Variants in TRABD2B observed in about 807,000 individuals in gnomAD.
The protein encoded by TRABD2B is metalloprotease TIKI2.
TRABD2B carries 14 observed loss-of-function variants against 40.1 expected under a neutral mutation model. That is an observed-to-expected ratio of 0.35 (90% CI 0.23 to 0.55). The LOEUF is 0.55. Among genes scored for constraint, TRABD2B ranks in the 20% least tolerant of loss-of-function variants. TRABD2B has a pLI of 0.90. For missense variants in TRABD2B, 541 were observed against 648.6 expected (o/e 0.83, Z 1.80); for synonymous variants, 263 against 277.0 (o/e 0.95, Z 0.50).
At chr1:47,791,144 G>A (rs974280594) in intron 4 of TRABD2B, among the ~76,000 whole-genome samples, 1 of 152,230 alleles carries the variant, frequency 6.6e-6, no homozygotes, top group Admixed American at 6.5e-5. Flanking sequence ...TTCTGGAGCT[G>A]GGCTGGGTCG....
At chr1:47,965,731 T>G (rs1385261888) in intron 2 of TRABD2B, among the ~76,000 whole-genome samples, 1 of 152,174 alleles carries the variant, frequency 6.6e-6, no homozygotes, top group Non-Finnish European at 1.5e-5. Context: ...TCTGGCGTTG[T>G]TTTAAGTCTA....
intron 2 of TRABD2B, among the ~76,000 whole-genome samples, chr1:47,935,970 T>C (rs1645101328): frequency 6.6e-6 from 1 of 152,228 alleles, no homozygotes; most frequent in Non-Finnish European, 1.5e-5. Flanking sequence ...TTCCCTTCTC[T>C]GAGACTCAAA....
In TRABD2B at chr1:47,994,093, C is replaced by A; in HGVS notation, c.607G>T (p.Ala203Ser). The A allele has an allele frequency of 6.5e-7, 1 of 1,536,284 alleles. No individual in the cohort carries two copies. The highest frequency in any genetic ancestry group is 8.7e-7 in the Non-Finnish European group (1 of 1,146,952). Residue 203 changes from alanine (A) to serine (S), a missense_variant, in exon 2 of 7, where the codon GCT becomes TCT. Physicochemically the swap from Ala to Ser is moderately conservative, Grantham distance 99 (BLOSUM62 1). Transcript: ENST00000606738. This position sits in a 1 kb window ranked among gnomAD's most constrained non-coding sequence, Gnocchi z 6.7. ...CACTGCTCCTCCACCTGCTCCACAG[C>A]CCCTGTGGTCTTCTTCATCTTCTCA... ...QAEKMKKTTG[A>S]VEQVEEQCHP...
At position 47,897,016 on chromosome 1, in the gene TRABD2B, A is replaced by G. The variant is rs1438215628; in HGVS notation, c.667-95397T>C. On this transcript the variant is annotated intron_variant, in intron 2 of 6. Transcript: ENST00000606738. Reference sequence around the variant, plus strand: ...AATTCCTGCTCTCCTGGATCTCACAAGGTATTGGATGTGATAGGGTAAGAT... The same window carrying G: ...AATTCCTGCTCTCCTGGATCTCACAGGGTATTGGATGTGATAGGGTAAGAT... Among the ~76,000 whole-genome samples the G allele has an allele frequency of 2.6e-5, 4 of 152,178 alleles. No individual in the cohort carries two copies. In the East Asian group the frequency reaches 7.7e-4, roughly 29 times the overall value.
chr1:47,878,867 TAGG>T (rs1644261093), intron 2 of TRABD2B, among the ~76,000 whole-genome samples: 1 of 151,866 alleles, frequency 6.6e-6, no homozygotes, highest in African/African-American at 2.4e-5. Flanking sequence ...GAGGCTGAGG[TAGG>T]AGAATTGCTT....
intron 6 of TRABD2B, among the ~76,000 whole-genome samples, chr1:47,773,417 T>C (rs993521965): frequency 5.9e-5 from 9 of 152,276 alleles, no homozygotes; most frequent in Admixed American, 3.3e-4. Context: ...ATGGTTAGGC[T>C]GTGTCTCCAC....
chr1:47,775,937 C>G (rs1287729688), intron 5 of TRABD2B, among the ~76,000 whole-genome samples: 3 of 152,040 alleles, frequency 2.0e-5, no homozygotes, highest in African/African-American at 7.2e-5. Flanking sequence ...GGGTACGTCT[C>G]TGGGGCGTAT....
chr1:47,785,654 C>T (rs1395423770), intron 4 of TRABD2B, among the ~76,000 whole-genome samples: 1 of 152,224 alleles, frequency 6.6e-6, no homozygotes, highest in Non-Finnish European at 1.5e-5. Context: ...GCATCCATGT[C>T]AAGGCCCAGA....
chr1:47,961,558 G>A (rs1302277579), intron 2 of TRABD2B, among the ~76,000 whole-genome samples: 2 of 152,184 alleles, frequency 1.3e-5, no homozygotes, highest in Non-Finnish European at 1.5e-5. Flanking sequence ...CAAAGGATAT[G>A]AGCAGACACT....
chr1:47,871,038 T>A (rs1214614556), intron 2 of TRABD2B, among the ~76,000 whole-genome samples: 1 of 152,184 alleles, frequency 6.6e-6, no homozygotes, highest in Non-Finnish European at 1.5e-5. Flanking sequence ...TACACCTACA[T>A]CTTTTCTTGT....
chr1:47,991,868 T>C (rs555486357), intron 2 of TRABD2B, among the ~76,000 whole-genome samples: 1 of 152,324 alleles, frequency 6.6e-6, no homozygotes, highest in Non-Finnish European at 1.5e-5. Context: ...CATGTAATTT[T>C]ACTGAGAAGG....
At chr1:47,877,018 C>A (rs1293970368) in intron 2 of TRABD2B, among the ~76,000 whole-genome samples, 1 of 151,960 alleles carries the variant, frequency 6.6e-6, no homozygotes, top group Non-Finnish European at 1.5e-5. Flanking sequence ...GGAAGAGAGA[C>A]AAAGAAATAA....
chr1:47,897,462 A>G (rs1644539088), intron 2 of TRABD2B, among the ~76,000 whole-genome samples: 1 of 152,150 alleles, frequency 6.6e-6, no homozygotes, highest in South Asian at 2.1e-4. Context: ...TCAGAGGTGT[A>G]TCCAGAAAAC....
intron 2 of TRABD2B, among the ~76,000 whole-genome samples, chr1:47,975,081 A>G (rs1450430395): frequency 6.6e-6 from 1 of 152,212 alleles, no homozygotes; most frequent in Non-Finnish European, 1.5e-5. Context: ...GTGATACAGT[A>G]CCCTGGATAA....
intron 4 of TRABD2B, among the ~76,000 whole-genome samples, chr1:47,781,704 G>A (rs1014651706): frequency 1.3e-5 from 2 of 152,198 alleles, no homozygotes; most frequent in South Asian, 2.1e-4. Context: ...CAGGGAGAAT[G>A]GTCACCTCCA....
At chr1:47,926,490 A>G (rs4124648) in intron 2 of TRABD2B, among the ~76,000 whole-genome samples, 149,191 of 152,232 alleles carry the variant, frequency 0.98, 73,188 homozygotes, top group East Asian at 1. Flanking sequence ...TGATCTGCCA[A>G]GGCTCTCCCA....
chr1:47,946,239 T>C (rs543458052), intron 2 of TRABD2B, among the ~76,000 whole-genome samples: 7 of 152,342 alleles, frequency 4.6e-5, no homozygotes, highest in African/African-American at 1.4e-4. Context: ...ATTGTATTTG[T>C]TTTCTTATCA....
intron 2 of TRABD2B, among the ~76,000 whole-genome samples, chr1:47,882,547 T>C (rs771709864): frequency 1.3e-5 from 2 of 152,204 alleles, no homozygotes; most frequent in Non-Finnish European, 2.9e-5. Flanking sequence ...GTTCAGATAG[T>C]CTGCTGACTT....
intron 2 of TRABD2B, among the ~76,000 whole-genome samples, chr1:47,810,138 G>T (rs1387487758): frequency 1.1e-4 from 1 of 8,722 alleles, no homozygotes; most frequent in Non-Finnish European, 4.0e-4. Flanking sequence ...GGAATATAGG[G>T]TGTGTGTGTG....
Sources: gnomAD v4.1 joint callset for allele counts (sites outside exome capture counted in the v4.1 genomes callset) on GRCh38, gnomAD v4.1.1 for gene constraint, Gnocchi (gnomAD v3.1) non-coding constraint, MANE v1.5 for transcripts, NCBI Gene and HGNC (gene_info 2026-07-23, HGNC 2026-07-21) for gene names.